PAM: variants seen among roughly 807,000 people sequenced by gnomAD.
PAM encodes the protein peptidyl-glycine alpha-amidating monooxygenase.
In PAM, 72 loss-of-function variants were observed where a neutral mutation model predicts 122.1. That is an observed-to-expected ratio of 0.59 (90% CI 0.49 to 0.72). PAM has a LOEUF of 0.72. Among genes scored for constraint, PAM ranks in the 30% least tolerant of loss-of-function variants. The probability of loss-of-function intolerance (pLI) is 0.00; values close to 1 mark genes in which losing one functional copy is unlikely to be tolerated. For synonymous variants in PAM, 389 were observed against 404.4 expected (o/e 0.96, Z 0.46); for missense variants, 1,106 against 1,183.7 (o/e 0.93, Z 0.96).
intron 1 of PAM, among the ~76,000 whole-genome samples, chr5:102,818,109 T>A (rs1244484442): frequency 2.6e-5 from 4 of 151,370 alleles, no homozygotes; most frequent in African/African-American, 9.7e-5. Context: ...TAACTCTTTT[T>A]CTTGCTTTTT....
At chr5:102,873,443 C>T (rs1788169859) in intron 3 of PAM, 1 of 152,330 alleles carries the variant, frequency 6.6e-6, no homozygotes, top group Non-Finnish European at 1.5e-5. Context: ...TGGGAAGTGC[C>T]TAAAGAAGAT....
At chr5:103,011,336 A>AC (rs1240371362) in intron 21 of PAM, among the ~76,000 whole-genome samples, 1 of 150,996 alleles carries the variant, frequency 6.6e-6, no homozygotes, top group African/African-American at 2.4e-5. Flanking sequence ...CCGCCACCTA[A>AC]CCCCCCGCCA....
Position 102,924,942 on chromosome 5 carries a change from T to A in PAM, c.357-15T>A, listed in dbSNP as rs372778602. ...TATTTAAATCTTCATTTATACTACTTTTTATTTTCTTCAGGTTTTGTGATG... is the reference window on the plus strand; with the variant it reads ...TATTTAAATCTTCATTTATACTACTATTTATTTTCTTCAGGTTTTGTGATG... On this transcript the variant is annotated splice_polypyrimidine_tract_variant and intron_variant, in intron 5 of 25. Transcript: ENST00000438793. 193 of 1,334,594 alleles carry A rather than the reference T, an allele frequency of 1.4e-4. No homozygotes were observed. The highest frequency in any genetic ancestry group is 2.0e-4 in the Non-Finnish European group (182 of 925,006). The allele number at this position is 1,334,594 out of a possible 1,614,324, so 82.7% of individuals were successfully genotyped here.
chr5:103,013,493 A>G (rs1026954252), intron 21 of PAM, among the ~76,000 whole-genome samples: 2 of 152,310 alleles, frequency 1.3e-5, no homozygotes, highest in South Asian at 2.1e-4. Context: ...ATCAGATTAT[A>G]TAATCTGCAA....
intron 1 of PAM, among the ~76,000 whole-genome samples, chr5:102,768,478 A>G (rs1414252159): frequency 7.4e-6 from 1 of 135,476 alleles, no homozygotes; most frequent in East Asian, 2.2e-4. Context: ...AACCATCCCA[A>G]CTCCCCCTCT....
rs1377784681 is a variant in PAM at position 102,950,802 on chromosome 5, C to G, written c.887C>G (p.Thr296Arg). Residue 296 changes from threonine (T) to arginine (R), a missense_variant, in exon 12 of 26, where the codon ACA (threonine) becomes AGA (arginine). This residue lies in a region of PAM where 670 missense variants were observed against 690.3 expected (regional missense o/e 0.97). Transcript: ENST00000438793. ...ARCVFTGEGR[T>R]EATHIGGTSS... The stretch of plus-strand genomic sequence containing the variant: ...TGTGTATTCACTGGTGAAGGAAGGA[C>G]AGAAGCCACACACATTGGGTATGAT... 1.2e-6 allele frequency: 2 copies of G among 1,602,112 alleles called. No homozygotes were observed. Among genetic ancestry groups the G allele is most frequent in the Non-Finnish European group, 1.7e-6 (2 of 1,169,614 alleles).
intron 16 of PAM, among the ~76,000 whole-genome samples, chr5:102,992,278 C>T (rs2150825767): frequency 6.6e-6 from 1 of 152,252 alleles, no homozygotes. Context: ...TCAGAGGAAA[C>T]TGCTGATTTT....
intron 16 of PAM, among the ~76,000 whole-genome samples, chr5:102,996,715 C>T (rs548995374): frequency 3.3e-5 from 5 of 152,252 alleles, no homozygotes; most frequent in Middle Eastern, 3.4e-3. Flanking sequence ...CCAGTTTAAA[C>T]ATATAGACGT....
chr5:102,801,772 A>ATTTTTTTTT lies in PAM; in HGVS notation c.-374+46440_-374+46448dup, dbSNP rs36068804. ...CTTATTTGTATCCTAGGGAAAAGGTATTTTTTTTTTTTTTTTTTTTTTTTG... is the reference window on the plus strand; with the variant it reads ...CTTATTTGTATCCTAGGGAAAAGGTATTTTTTTTTTTTTTTTTTTTTTTTTTTTTTTTTG... On this transcript the variant is annotated intron_variant, in intron 1 of 25. Coordinates refer to ENST00000438793, the MANE Select transcript of PAM (RefSeq NM_001177306.2). 6.1e-3 allele frequency among the ~76,000 whole-genome samples: 604 copies of ATTTTTTTTT among 98,964 alleles called. 14 individuals carry two copies. The highest frequency in any genetic ancestry group is 0.034 in the East Asian group (106 of 3,144). 64.9% of individuals were successfully genotyped at this position (98,964 alleles called of 152,430 possible). A position where few individuals can be genotyped will look rare whatever the true frequency, so the allele number is the denominator to read the frequency against.
intron 4 of PAM, among the ~76,000 whole-genome samples, chr5:102,910,287 C>G (rs1800982178): frequency 6.6e-6 from 1 of 151,854 alleles, no homozygotes; most frequent in Non-Finnish European, 1.5e-5. Flanking sequence ...CTTAGAACTC[C>G]AGGATTTAGA....
At chr5:102,930,490 C>T (rs1016015005) in intron 7 of PAM, among the ~76,000 whole-genome samples, 2 of 152,052 alleles carry the variant, frequency 1.3e-5, no homozygotes, top group African/African-American at 2.4e-5. Context: ...TGCAGAGACA[C>T]GGGAGTGAAA....
intron 1 of PAM, among the ~76,000 whole-genome samples, chr5:102,758,796 A>G (rs962194633): frequency 4.6e-5 from 7 of 152,196 alleles, no homozygotes; most frequent in Admixed American, 3.3e-4. Flanking sequence ...CTATTGCTCT[A>G]TGACTCAAGT....
At chr5:102,755,001 G>A (rs974602374), upstream of PAM, 2 of 152,362 alleles carry the variant, frequency 1.3e-5, no homozygotes, top group Non-Finnish European at 2.9e-5. Flanking sequence ...GGGAAGCTGC[G>A]CGCAATCGCT....
At chr5:102,889,630 T>C (rs1323545899) in intron 3 of PAM, among the ~76,000 whole-genome samples, 1 of 151,968 alleles carries the variant, frequency 6.6e-6, no homozygotes, top group East Asian at 1.9e-4. Flanking sequence ...AATGCTTTCA[T>C]TATAGAAATG....
intron 15 of PAM, among the ~76,000 whole-genome samples, chr5:102,982,227 G>A (rs1176888473): frequency 6.6e-6 from 1 of 152,174 alleles, no homozygotes; most frequent in Non-Finnish European, 1.5e-5. Context: ...GCACCCACCT[G>A]CATGAGCCAC....
intron 1 of PAM, among the ~76,000 whole-genome samples, chr5:102,792,890 A>G (rs571031593): frequency 2.0e-5 from 3 of 152,342 alleles, no homozygotes; most frequent in East Asian, 1.9e-4. Context: ...AAGTGACACA[A>G]AAGTATTAGG....
At chr5:102,944,690 C>G (rs868688031) in intron 7 of PAM, among the ~76,000 whole-genome samples, 1 of 151,984 alleles carries the variant, frequency 6.6e-6, no homozygotes, top group African/African-American at 2.4e-5. Flanking sequence ...ATGGAAGGAC[C>G]CTGAAACATT....
intron 12 of PAM, among the ~76,000 whole-genome samples, chr5:102,951,980 TAAC>T (rs1465137946): frequency 6.6e-6 from 1 of 152,046 alleles, no homozygotes; most frequent in Non-Finnish European, 1.5e-5. Context: ...AGTCCCTTCT[TAAC>T]AATCTTTACA....
intron 7 of PAM, among the ~76,000 whole-genome samples, chr5:102,933,647 A>G (rs1269279270): frequency 6.6e-6 from 1 of 152,256 alleles, no homozygotes; most frequent in Admixed American, 6.5e-5. Context: ...GGCAGGAGGA[A>G]GAAAAAACAG....
Sources: allele counts gnomAD v4.1 joint callset (sites outside exome capture counted in the v4.1 genomes callset), GRCh38; gene constraint gnomAD v4.1.1; regional missense constraint gnomAD v4.1.1; transcripts MANE v1.5; gene names NCBI Gene and HGNC (gene_info 2026-07-23, HGNC 2026-07-21).